The following ATP2B2 variants were observed in gnomAD, a reference collection of about 807,000 sequenced individuals.
The protein encoded by ATP2B2 is plasma membrane calcium-transporting ATPase 2.
ATP2B2 carries 15 observed loss-of-function variants against 120.0 expected under a neutral mutation model. That is an observed-to-expected ratio of 0.12 (90% CI 0.08 to 0.19). The LOEUF (loss-of-function observed/expected upper bound fraction) is 0.19, where lower values mean the gene tolerates loss of function less well. Among genes scored for constraint, ATP2B2 ranks in the 10% least tolerant of loss-of-function variants. ATP2B2 has a pLI of 1.00. For missense variants in ATP2B2, 1,045 were observed against 1,719.8 expected, an observed-to-expected ratio of 0.61 and a Z score of 6.94; for synonymous variants, 694 against 700.3, an observed-to-expected ratio of 0.99 and a Z score of 0.14.
intron 1 of ATP2B2, among the ~76,000 whole-genome samples, chr3:10,670,012 T>C (rs2071053562): frequency 6.6e-6 from 1 of 152,206 alleles, no homozygotes; most frequent in Admixed American, 6.5e-5. Flanking sequence ...TAAGTACAGA[T>C]CAGCTGGGAA....
In ATP2B2 at chr3:10,340,280, A is replaced by T. The variant is rs1432325485; in HGVS notation, c.3199T>A (p.Cys1067Ser). ...SPLQLDQWMW[C>S]IFIGLGELVW... ...AGCTCTCCTAACCCAATGAATATGC[A>T]CCACATCCACTGGTCCAGCTGCAGT... The change falls in exon 21 of 23, where the codon TGC becomes AGC. Residue 1067 changes from cysteine (C) to serine (S), a missense_variant. Transcript: ENST00000360273. This position sits in a 1 kb window ranked among gnomAD's most constrained non-coding sequence, Gnocchi z 5.0. The T allele has an allele frequency of 6.2e-7, 1 of 1,614,204 alleles. No homozygotes were observed. The highest frequency in any genetic ancestry group is 8.5e-7 in the Non-Finnish European group (1 of 1,180,038).
chr3:10,432,294 G>T (rs1329291902), intron 2 of ATP2B2, among the ~76,000 whole-genome samples: 1 of 152,186 alleles, frequency 6.6e-6, no homozygotes, highest in Non-Finnish European at 1.5e-5. Flanking sequence ...CCCAGGGCTG[G>T]GACCTGCCCC....
chr3:10,526,011 GTGAAGA>G (rs1401899086), intron 3 of ATP2B2, among the ~76,000 whole-genome samples: 22 of 152,228 alleles, frequency 1.4e-4, no homozygotes, highest in South Asian at 4.1e-4. Flanking sequence ...TAAGGCTGTA[GTGAAGA>G]TGAACTGGGA....
chr3:10,429,595 C>T (rs2063249717), intron 2 of ATP2B2, among the ~76,000 whole-genome samples: 1 of 152,180 alleles, frequency 6.6e-6, no homozygotes, highest in Non-Finnish European at 1.5e-5. Flanking sequence ...TGTTCCCTGT[C>T]TCTCCATCTC....
At chr3:10,428,083 G>T (rs964937247) in intron 2 of ATP2B2, among the ~76,000 whole-genome samples, 3 of 152,192 alleles carry the variant, frequency 2.0e-5, no homozygotes, top group Non-Finnish European at 2.9e-5. Context: ...CCATCCATTT[G>T]CCTTGATGCT....
chr3:10,662,399 AAAAC>A (rs1259176037), intron 1 of ATP2B2, among the ~76,000 whole-genome samples: 2 of 145,784 alleles, frequency 1.4e-5, no homozygotes, highest in Admixed American at 6.7e-5. Context: ...TTACAAGAAA[AAAAC>A]AAACAACCCC....
chr3:10,667,313 T>G (rs2070967083), intron 1 of ATP2B2, among the ~76,000 whole-genome samples: 1 of 152,176 alleles, frequency 6.6e-6, no homozygotes, highest in South Asian at 2.1e-4. Flanking sequence ...GGTGGGGAAT[T>G]TCAGCCTGGG....
chr3:10,425,051 G>A (rs1007389058), intron 2 of ATP2B2, among the ~76,000 whole-genome samples: 3 of 152,078 alleles, frequency 2.0e-5, no homozygotes, highest in African/African-American at 7.2e-5. Context: ...AGCACTTTGG[G>A]AGGCTGAGGC....
At chr3:10,410,998 C>T (rs1458220627) in intron 2 of ATP2B2, among the ~76,000 whole-genome samples, 183 bp from the exon 3 acceptor site, 1 of 152,168 alleles carries the variant, frequency 6.6e-6, no homozygotes, top group Admixed American at 6.5e-5. Context: ...AGACACCGTG[C>T]AGTGGGTTGA....
At chr3:10,471,891 G>T (rs376409888) in intron 1 of ATP2B2, among the ~76,000 whole-genome samples, 111 of 151,624 alleles carry the variant, frequency 7.3e-4, no homozygotes, top group East Asian at 1.4e-3. Context: ...CCATCCTGGC[G>T]AACACGGTGA....
rs558789144 is a variant in ATP2B2, at chr3:10,422,720, T to G, written c.200-11905A>C. On this transcript the variant is annotated intron_variant, in intron 2 of 22. Coordinates refer to ENST00000360273, the MANE Select transcript of ATP2B2 (RefSeq NM_001001331.4). The stretch of plus-strand genomic sequence containing the variant: ...TGTGCATAGTGCAGCGCTGGGTGGT[T>G]TCTTTGCAAGCATGTGGACGCAATG... 2.8e-4 allele frequency among the ~76,000 whole-genome samples: 42 copies of G among 152,358 alleles called. 1 individual carries two copies. The highest frequency in any genetic ancestry group is 6.5e-4 in the Admixed American group (10 of 15,312).
At chr3:10,456,467 C>A (rs1193692624) in intron 1 of ATP2B2, among the ~76,000 whole-genome samples, 1 of 152,184 alleles carries the variant, frequency 6.6e-6, no homozygotes, top group Non-Finnish European at 1.5e-5. Flanking sequence ...CCTTGGTTGA[C>A]CCTCCCCAAC....
At chr3:10,591,561 A>G (rs2068645078) in intron 2 of ATP2B2, among the ~76,000 whole-genome samples, 1 of 152,064 alleles carries the variant, frequency 6.6e-6, no homozygotes, top group African/African-American at 2.4e-5. Context: ...ACCACTTCCA[A>G]GCATGGCATG....
intron 1 of ATP2B2, among the ~76,000 whole-genome samples, chr3:10,680,830 T>A (rs1313261080): frequency 6.6e-6 from 1 of 152,172 alleles, no homozygotes; most frequent in Non-Finnish European, 1.5e-5. Context: ...ACACCCCTCC[T>A]GATAGAGTCT....
chr3:10,509,542 G>T (rs751892772), upstream of ATP2B2, among the ~76,000 whole-genome samples: 3 of 152,236 alleles, frequency 2.0e-5, no homozygotes, highest in Non-Finnish European at 2.9e-5. Flanking sequence ...TTACGTGAAA[G>T]TTACAGAGCC....
rs2064180756 is a variant in ATP2B2, at chr3:10,454,384, G to GAA, written c.-319-4523_-319-4522insTT. ...CATGAAGAAACTGAAATACACAACT[G>GAA]TCTGCTAGTAAAAGGTGCAGAAGGA... On this transcript the variant is annotated intron_variant, in intron 1 of 22. Transcript: ENST00000360273. Among the ~76,000 whole-genome samples the GAA allele has an allele frequency of 2.0e-5, 3 of 152,314 alleles. No individual in the cohort carries two copies. In the South Asian group the frequency reaches 6.2e-4, roughly 32 times the overall value.
At chr3:10,531,905 C>T (rs963210571) in intron 3 of ATP2B2, among the ~76,000 whole-genome samples, 4 of 152,054 alleles carry the variant, frequency 2.6e-5, no homozygotes, top group Non-Finnish European at 5.9e-5. Context: ...TTAGAATCAC[C>T]TTGGACAGAC....
At chr3:10,496,113 A>T (rs1294123528) in intron 1 of ATP2B2, among the ~76,000 whole-genome samples, 2 of 152,224 alleles carry the variant, frequency 1.3e-5, no homozygotes, top group Admixed American at 6.5e-5. Flanking sequence ...GAAGGGCTTC[A>T]TTTTAATCTG....
chr3:10,423,285 G>C (rs2063046144), intron 2 of ATP2B2, among the ~76,000 whole-genome samples: 1 of 152,076 alleles, frequency 6.6e-6, no homozygotes, highest in Non-Finnish European at 1.5e-5. Flanking sequence ...CTCCACATCC[G>C]GTGGCCAGCC....
Sources: gnomAD v4.1 joint callset for allele counts (sites outside exome capture counted in the v4.1 genomes callset) on GRCh38, gnomAD v4.1.1 for gene constraint, Gnocchi (gnomAD v3.1) non-coding constraint, MANE v1.5 for transcripts, NCBI Gene and HGNC (gene_info 2026-07-23, HGNC 2026-07-21) for gene names.